PAPSS2: variants seen among roughly 807,000 people sequenced by gnomAD.
The protein encoded by PAPSS2 is bifunctional 3'-phosphoadenosine 5'-phosphosulfate synthase 2.
Under a neutral mutation model 66.5 loss-of-function variants are expected in PAPSS2, and 61 were observed. That is an observed-to-expected ratio of 0.92 (90% CI 0.75 to 1.14). The LOEUF (loss-of-function observed/expected upper bound fraction) is 1.14, where lower values mean the gene tolerates loss of function less well. Among genes scored for constraint, PAPSS2 ranks in the 50% most tolerant of loss-of-function variants. The pLI, the probability that PAPSS2 is intolerant of heterozygous loss-of-function variation, is 0.00. For synonymous variants in PAPSS2, 289 were observed against 287.5 expected (o/e 1.01, Z -0.05); for missense variants, 708 against 789.6 (o/e 0.90, Z 1.24).
chr10:87,737,622 AC>A (rs1476392043), intron 9 of PAPSS2, among the ~76,000 whole-genome samples: 1 of 152,018 alleles, frequency 6.6e-6, no homozygotes, highest in Non-Finnish European at 1.5e-5. Flanking sequence ...AGGAGTTGAG[AC>A]CTATCTGGTT....
chr10:87,728,240 G>A (rs1182787230), intron 9 of PAPSS2, among the ~76,000 whole-genome samples: 2 of 152,042 alleles, frequency 1.3e-5, no homozygotes, highest in Non-Finnish European at 2.9e-5. Context: ...AAATTGAATG[G>A]TAAAACCATC....
At chr10:87,701,995 C>T (rs1471011758) in intron 1 of PAPSS2, among the ~76,000 whole-genome samples, 1 of 152,094 alleles carries the variant, frequency 6.6e-6, no homozygotes, top group African/African-American at 2.4e-5. Flanking sequence ...ATGAGACCTA[C>T]AAAATAGTTT....
chr10:87,722,399 T>C (rs1041737741), intron 8 of PAPSS2, among the ~76,000 whole-genome samples: 7 of 152,218 alleles, frequency 4.6e-5, no homozygotes, highest in Non-Finnish European at 1.0e-4. Flanking sequence ...CATTGTTGTT[T>C]TTCCTTTAAA....
At position 87,701,300 on chromosome 10, in the gene PAPSS2, TTTCCTTCCTTCC is replaced by T. The variant is rs1174780842; in HGVS notation, c.28-7877_28-7866del. 2.6e-3 allele frequency among the ~76,000 whole-genome samples: 267 copies of T among 102,954 alleles called. 11 individuals are homozygous for T. The highest frequency in any genetic ancestry group is 0.011 in the African/African-American group (220 of 20,698). 67.5% of individuals were successfully genotyped at this position (102,954 alleles called of 152,430 possible). A position where few individuals can be genotyped will look rare whatever the true frequency, so the allele number is the denominator to read the frequency against. On this transcript the variant is annotated intron_variant, in intron 1 of 12. Coordinates refer to ENST00000456849, the MANE Select transcript of PAPSS2 (RefSeq NM_001015880.2). ...CTCTTTTTTCTTTCTTTCTTTCTTT[TTTCCTTCCTTCC>T]TTCCTTCCTTCCTTCCTTTCTTTCT... is the stretch of plus-strand genomic sequence containing the variant.
intron 10 of PAPSS2, among the ~76,000 whole-genome samples, chr10:87,742,103 T>C (rs1252911535): frequency 3.9e-5 from 6 of 152,152 alleles, no homozygotes; most frequent in African/African-American, 7.2e-5. Flanking sequence ...ACATCTTCTA[T>C]TGGTATGTCT....
intron 9 of PAPSS2, among the ~76,000 whole-genome samples, chr10:87,737,753 G>A (rs1417240218): frequency 6.6e-6 from 1 of 152,120 alleles, no homozygotes; most frequent in East Asian, 1.9e-4. Context: ...AGCCCCGGAG[G>A]TAGAGGCTGC....
intron 9 of PAPSS2, among the ~76,000 whole-genome samples, chr10:87,739,391 T>C (rs1026092482): frequency 6.6e-6 from 1 of 152,238 alleles, no homozygotes; most frequent in Non-Finnish European, 1.5e-5. Flanking sequence ...GCTTTGGAGA[T>C]TTCCTTTTGT....
rs566166931 is a variant in PAPSS2 at position 87,744,398 on chromosome 10, C to T, written c.1492-604C>T. On this transcript the variant is annotated intron_variant, in intron 11 of 12. Transcript: ENST00000456849. ...GCACCACCAGTGTAGTGGATTTGAA[C>T]GAGCTGGCTGCAAGTATGATGAATA... is the stretch of plus-strand genomic sequence containing the variant. Among the ~76,000 whole-genome samples, 28 of 152,246 alleles carry T rather than the reference C, an allele frequency of 1.8e-4. 1 individual carries two copies. The highest frequency in any genetic ancestry group is 9.2e-4 in the Admixed American group (14 of 15,284).
intron 9 of PAPSS2, among the ~76,000 whole-genome samples, chr10:87,734,663 G>GCA (rs1853771524): frequency 1.2e-5 from 1 of 81,098 alleles, no homozygotes; most frequent in Non-Finnish European, 2.2e-5. Flanking sequence ...GAATGTGTGT[G>GCA]TATATATATA....
chr10:87,674,448 G>C (rs938905630), intron 1 of PAPSS2, among the ~76,000 whole-genome samples: 1 of 152,142 alleles, frequency 6.6e-6, no homozygotes, highest in Admixed American at 6.5e-5. Context: ...TTACAGATAT[G>C]AGCCACTGCT....
Position 87,714,876 on chromosome 10 carries a change from G to T in PAPSS2, c.639+13G>T, listed in dbSNP as rs780419768. 1.3e-6 allele frequency: 2 copies of T among 1,532,384 alleles called. No homozygotes were observed. Among genetic ancestry groups the T allele is most frequent in the South Asian group, 1.1e-5 (1 of 89,430 alleles). 94.9% of individuals were successfully genotyped at this position (1,532,384 alleles called of 1,614,324 possible). A position where few individuals can be genotyped will look rare whatever the true frequency, so the allele number is the denominator to read the frequency against. Reference sequence around the variant, plus strand: ...TCTGCAAGAGCAGGTAGGTGAACCGGTTGTCTTTTTTTATATGTTTAATAA... The same window carrying T: ...TCTGCAAGAGCAGGTAGGTGAACCGTTTGTCTTTTTTTATATGTTTAATAA... On this transcript the variant is annotated intron_variant, in intron 5 of 12. Coordinates refer to ENST00000456849, the MANE Select transcript of PAPSS2 (RefSeq NM_001015880.2).
chr10:87,746,145 A>G lies in PAPSS2; in HGVS notation c.*175A>G. ...TATATATATACACACACACATATAC[A>G]TACAAAGTCAAACTGAAGACCAAAT... On this transcript the variant is annotated 3_prime_UTR_variant, in exon 13 of 13. Transcript: ENST00000456849. 2 of 485,006 alleles carry G rather than the reference A, an allele frequency of 4.1e-6. No homozygotes were observed. Among genetic ancestry groups the G allele is most frequent in the Non-Finnish European group, 7.0e-6 (2 of 284,752 alleles). The allele number at this position is 485,006 out of a possible 1,614,324, so 30.0% of individuals were successfully genotyped here. A position where few individuals can be genotyped will look rare whatever the true frequency, so the allele number is the denominator to read the frequency against.
At chr10:87,693,174 A>G (rs1853191971) in intron 1 of PAPSS2, among the ~76,000 whole-genome samples, 1 of 152,118 alleles carries the variant, frequency 6.6e-6, no homozygotes, top group Non-Finnish European at 1.5e-5. Context: ...CCTTCTGATC[A>G]AGTTTCCTGA....
chr10:87,742,171 G>C (rs7904344), intron 10 of PAPSS2, among the ~76,000 whole-genome samples: 135 of 152,142 alleles, frequency 8.9e-4, no homozygotes, highest in Non-Finnish European at 1.5e-3. Flanking sequence ...ATATTAGAAC[G>C]CTATTCAACA....
At chr10:87,721,791 A>G (rs1212867755) in intron 8 of PAPSS2, 21 bp downstream of exon 8, 1 of 1,381,974 alleles carries the variant, frequency 7.2e-7, no homozygotes, top group Non-Finnish European at 1.0e-6. Flanking sequence ...TAACTTTCCA[A>G]GTAGCTAAAT....
chr10:87,665,919 A>G (rs948358227), intron 1 of PAPSS2, among the ~76,000 whole-genome samples: 1 of 150,030 alleles, frequency 6.7e-6, no homozygotes, highest in Non-Finnish European at 1.5e-5. Context: ...ATTTTGGCCT[A>G]GTAGTTTCTT....
chr10:87,660,006 A>G lies in PAPSS2; in HGVS notation c.25A>G (p.Thr9Ala). The G allele has an allele frequency of 6.2e-7, 1 of 1,612,710 alleles. No individual in the cohort carries two copies. The highest frequency in any genetic ancestry group is 8.5e-7 in the Non-Finnish European group (1 of 1,179,538). MSGIKKQK[T>A]ENQQKSTNVV... Reference sequence around the variant, plus strand: ...CATGTCGGGGATCAAGAAGCAAAAGACGGTAGGCTTCCAGGCGCCGGCTTC... The same window carrying G: ...CATGTCGGGGATCAAGAAGCAAAAGGCGGTAGGCTTCCAGGCGCCGGCTTC... Residue 9 changes from threonine (T) to alanine (A), a missense_variant and splice_region_variant, in exon 1 of 13, where the codon ACG becomes GCG. Thr to Ala is a moderately conservative substitution (Grantham distance 58). Transcript: ENST00000456849.
At chr10:87,714,291 C>T (rs896360391) in intron 4 of PAPSS2, 109 bp downstream of exon 4, 9 of 1,185,752 alleles carry the variant, frequency 7.6e-6, no homozygotes, top group East Asian at 4.7e-5. Context: ...TCCAAAATTG[C>T]ATATAACATG....
intron 1 of PAPSS2, among the ~76,000 whole-genome samples, chr10:87,662,925 G>A (rs1852770301): frequency 6.6e-6 from 1 of 151,078 alleles, no homozygotes; most frequent in Admixed American, 6.6e-5. Context: ...CCAGGCTGGA[G>A]TGCAGTAGCG....
Sources: allele counts gnomAD v4.1 joint callset (sites outside exome capture counted in the v4.1 genomes callset), GRCh38; gene constraint gnomAD v4.1.1; transcripts MANE v1.5; gene names NCBI Gene and HGNC (gene_info 2026-07-23, HGNC 2026-07-21).